The following ALDH9A1 variants were observed in gnomAD, a reference collection of about 807,000 sequenced individuals.
ALDH9A1 encodes the protein 4-trimethylaminobutyraldehyde dehydrogenase.
A neutral mutation model predicts 56.6 loss-of-function variants in ALDH9A1; 42 were observed. The observed-to-expected ratio is 0.74, with a 90% CI of 0.58 to 0.96. ALDH9A1 has a LOEUF of 0.96. ALDH9A1 is among the 40% of genes least tolerant of loss of function. The probability of loss-of-function intolerance (pLI) is 0.00; values close to 1 mark genes in which losing one functional copy is unlikely to be tolerated. For synonymous variants in ALDH9A1, 242 were observed against 236.0 expected (o/e 1.03, Z -0.23); for missense variants, 661 against 651.5 (o/e 1.01, Z -0.16).
chr1:165,677,906 GT>G (rs2101744999), intron 6 of ALDH9A1, among the ~76,000 whole-genome samples: 1 of 151,268 alleles, frequency 6.6e-6, no homozygotes, highest in Non-Finnish European at 1.5e-5. Flanking sequence ...GCACACACCT[GT>G]AGTCCCAGCT....
intron 2 of ALDH9A1, among the ~76,000 whole-genome samples, chr1:165,683,547 C>T (rs973373791): frequency 2.0e-5 from 3 of 152,054 alleles, no homozygotes; most frequent in Non-Finnish European, 4.4e-5. Context: ...CGTACATGTA[C>T]GTAAATATGT....
In ALDH9A1 at chr1:165,698,404, G is replaced by A. The variant is rs1388144165; in HGVS notation, c.155C>T (p.Thr52Ile). Residue 52 changes from threonine (T) to isoleucine (I), a missense_variant, in exon 1 of 11, where the codon ACC becomes ATC. Thr to Ile is a moderately conservative substitution (Grantham distance 89, BLOSUM62 -1). Coordinates refer to ENST00000354775, the MANE Select transcript of ALDH9A1 (RefSeq NM_000696.4). Reference protein sequence around the residue: ...ARVEPADASGTEKAFEPATGR... With the variant: ...ARVEPADASGIEKAFEPATGR... ...GGTTGCTGGCTCGAAAGCTTTCTCGGTACCGGAGGCGTCCGCCGGCTCCAC... is the reference window on the plus strand; with the variant it reads ...GGTTGCTGGCTCGAAAGCTTTCTCGATACCGGAGGCGTCCGCCGGCTCCAC... The A allele has an allele frequency of 1.2e-6, 2 of 1,605,476 alleles. No homozygotes were observed. The highest frequency in any genetic ancestry group is 2.2e-5 in the South Asian group (2 of 90,250).
At chr1:165,691,785 C>T (rs758979675) in intron 2 of ALDH9A1, among the ~76,000 whole-genome samples, 6 of 152,142 alleles carry the variant, frequency 3.9e-5, no homozygotes, top group Non-Finnish European at 8.8e-5. Flanking sequence ...AATTTTAGAC[C>T]AATATCCCTG....
chr1:165,690,465 T>C (rs974863983), intron 2 of ALDH9A1, among the ~76,000 whole-genome samples: 14 of 152,154 alleles, frequency 9.2e-5, no homozygotes, highest in South Asian at 2.1e-4. Flanking sequence ...GATGGCCGAA[T>C]AGGAGCAGCT....
intron 6 of ALDH9A1, 29 bp from the exon 7 acceptor site, chr1:165,669,479 C>A: frequency 6.4e-7 from 1 of 1,568,916 alleles, no homozygotes; most frequent in Non-Finnish European, 8.6e-7. Context: ...ACATCAATTT[C>A]TATGTGTGTA....
chr1:165,695,375 T>A lies in ALDH9A1; in HGVS notation c.204A>T (p.Thr68=). Residue 68 remains threonine, a synonymous_variant, in exon 2 of 11, where the codon ACA becomes ACT. Coordinates refer to ENST00000354775, the MANE Select transcript of ALDH9A1 (RefSeq NM_000696.4). The stretch of plus-strand genomic sequence containing the variant: ...AATTTACTTCCTTTTCTCCTGAACA[T>A]GTGAAAGTAGCTATCACTCGGCCTA... ...PATGRVIATF[T]CSGEKEVNLA... The A allele has an allele frequency of 6.2e-7, 1 of 1,611,256 alleles. No individual in the cohort carries two copies. The highest frequency in any genetic ancestry group is 1.3e-5 in the African/African-American group (1 of 74,836).
intron 3 of ALDH9A1, among the ~76,000 whole-genome samples, chr1:165,682,544 T>A (rs1649584737): frequency 6.6e-6 from 1 of 152,194 alleles, no homozygotes; most frequent in Admixed American, 6.5e-5. Flanking sequence ...AAAATGGAAA[T>A]GAGAGGAACA....
rs1250509931 is a variant in ALDH9A1, at chr1:165,662,391, G to A, written c.*659C>T. 3.3e-5 allele frequency: 5 copies of A among 152,284 alleles called. No individual in the cohort carries two copies. Among genetic ancestry groups the A allele is most frequent in the South Asian group, 2.1e-4 (1 of 4,824 alleles). The allele number at this position is 152,284 out of a possible 1,614,324, so 9.4% of individuals were successfully genotyped here. On this transcript the variant is annotated 3_prime_UTR_variant, in exon 11 of 11. Coordinates refer to ENST00000354775, the MANE Select transcript of ALDH9A1 (RefSeq NM_000696.4). ...GTGAACAGAGACAAAGTGCTTACTA[G>A]GCAAGTTCACATTCACACAGAATTT...
chr1:165,692,417 A>G (rs1649923335), intron 2 of ALDH9A1, among the ~76,000 whole-genome samples: 1 of 152,242 alleles, frequency 6.6e-6, no homozygotes, highest in Non-Finnish European at 1.5e-5. Flanking sequence ...CTATACACCA[A>G]TAACAGACAA....
chr1:165,667,117 G>C (rs576754215), intron 9 of ALDH9A1, among the ~76,000 whole-genome samples, 192 bp downstream of exon 9: 9 of 151,354 alleles, frequency 5.9e-5, no homozygotes, highest in Admixed American at 3.9e-4. Context: ...TCAATAGCAG[G>C]GTTCTCTGGC....
chr1:165,692,714 T>C (rs77046971), intron 2 of ALDH9A1, among the ~76,000 whole-genome samples: 106,918 of 149,582 alleles, frequency 0.71, 38,614 homozygotes, highest in East Asian at 0.98. Context: ...GAAAAAACTA[T>C]TTTAAAGTTC....
chr1:165,691,204 AT>A (rs1290916881), intron 2 of ALDH9A1, among the ~76,000 whole-genome samples: 1 of 152,160 alleles, frequency 6.6e-6, no homozygotes, highest in Non-Finnish European at 1.5e-5. Flanking sequence ...GTTCTGCAAT[AT>A]TTGCTGTTCT....
intron 9 of ALDH9A1, among the ~76,000 whole-genome samples, chr1:165,665,830 G>A (rs1322444972): frequency 1.3e-5 from 2 of 152,196 alleles, no homozygotes; most frequent in East Asian, 3.9e-4. Flanking sequence ...ATGGTGCTGC[G>A]AATTTGGAAG....
At position 165,670,760 on chromosome 1, in the gene ALDH9A1, C is replaced by A. The variant is rs566086727; in HGVS notation, c.931-1310G>T. On this transcript the variant is annotated intron_variant, in intron 6 of 10. Coordinates refer to ENST00000354775, the MANE Select transcript of ALDH9A1 (RefSeq NM_000696.4). ...TATTATATGTGAGTTTTGAAAAAGA[C>A]GTTCAATGTCATTCATAATTGTAAA... 2.0e-5 allele frequency among the ~76,000 whole-genome samples: 3 copies of A among 152,158 alleles called. No individual in the cohort carries two copies. In the East Asian group the frequency reaches 5.8e-4, roughly 29 times the overall value.
chr1:165,695,273 C>A lies in ALDH9A1; in HGVS notation c.306G>T (p.Leu102Phe). The change falls in exon 2 of 11, where the codon TTG becomes TTT. Residue 102 changes from leucine to phenylalanine, a missense_variant. Physicochemically the swap from Leu to Phe is conservative, Grantham distance 22. Transcript: ENST00000354775. Reference protein sequence around the residue: ...KSGMERCRILLEAARIIRERE... With the variant: ...KSGMERCRILFEAARIIRERE... Reference sequence around the variant, plus strand: ...ATACCCTTATTATCCTGGCAGCCTCCAAAAGGATTCGGCAACGCTCCATGC... The same window carrying A: ...ATACCCTTATTATCCTGGCAGCCTCAAAAAGGATTCGGCAACGCTCCATGC... The A allele has an allele frequency of 6.2e-7, 1 of 1,610,224 alleles. No homozygotes were observed. The highest frequency in any genetic ancestry group is 8.5e-7 in the Non-Finnish European group (1 of 1,178,534).
intron 6 of ALDH9A1, among the ~76,000 whole-genome samples, chr1:165,674,198 T>C (rs1203735390): frequency 1.3e-5 from 2 of 151,786 alleles, no homozygotes; most frequent in African/African-American, 4.8e-5. Flanking sequence ...CCACCCCTTG[T>C]TTAGCATACG....
chr1:165,670,034 TA>T (rs1263942607), intron 6 of ALDH9A1, among the ~76,000 whole-genome samples: 3 of 152,086 alleles, frequency 2.0e-5, no homozygotes, highest in African/African-American at 7.2e-5. Context: ...ATGAACTAAA[TA>T]AATGGTGCTA....
At chr1:165,685,395 T>C (rs1325857081) in intron 2 of ALDH9A1, among the ~76,000 whole-genome samples, 1 of 152,218 alleles carries the variant, frequency 6.6e-6, no homozygotes, top group South Asian at 2.1e-4. Flanking sequence ...TTTTTGAGCA[T>C]TTTCTCATTT....
chr1:165,683,246 T>C, intron 2 of ALDH9A1, 136 bp from the exon 3 acceptor site: 3 of 948,642 alleles, frequency 3.2e-6, no homozygotes, highest in Non-Finnish European at 4.8e-6. Context: ...AATGGCAGTG[T>C]TACATTTAGA....
Sources: allele counts gnomAD v4.1 joint callset (sites outside exome capture counted in the v4.1 genomes callset), GRCh38; gene constraint gnomAD v4.1.1; transcripts MANE v1.5; gene names NCBI Gene and HGNC (gene_info 2026-07-23, HGNC 2026-07-21).